VLDLR: variants seen among roughly 807,000 people sequenced by gnomAD.
VLDLR encodes very low-density lipoprotein receptor.
VLDLR carries 81 observed loss-of-function variants against 112.7 expected under a neutral mutation model. The ratio of observed to expected loss-of-function variants is 0.72; its 90% CI spans 0.60 to 0.86. The LOEUF (loss-of-function observed/expected upper bound fraction) is 0.86. Among genes scored for constraint, VLDLR ranks in the 40% least tolerant of loss-of-function variants. The pLI is 0.00. For synonymous variants in VLDLR, 436 were observed against 384.8 expected (o/e 1.13, Z -1.56); for missense variants, 1,237 against 1,099.4 (o/e 1.13, Z -1.77).
intron 1 of VLDLR, among the ~76,000 whole-genome samples, chr9:2,633,453 G>T (rs1162066415): frequency 6.6e-6 from 1 of 152,098 alleles, no homozygotes; most frequent in African/African-American, 2.4e-5. Flanking sequence ...TAAGGAGGTT[G>T]TCTTCCAGGT....
intron 2 of VLDLR, among the ~76,000 whole-genome samples, chr9:2,638,098 A>G (rs34523389): frequency 0.01 from 1,599 of 152,326 alleles, 9 homozygotes; most frequent in Non-Finnish European, 0.017. Flanking sequence ...TTCTTCCTCC[A>G]TGCTCAGGAG....
intron 1 of VLDLR, among the ~76,000 whole-genome samples, chr9:2,627,837 C>A (rs1817163051): frequency 6.7e-6 from 1 of 150,010 alleles, no homozygotes; most frequent in Non-Finnish European, 1.5e-5. Context: ...TGCACTCCAG[C>A]CTGGGCTACA....
At chr9:2,645,176 G>C in intron 9 of VLDLR, 94 bp downstream of exon 9, 2 of 1,579,200 alleles carry the variant, frequency 1.3e-6, no homozygotes, top group Non-Finnish European at 1.7e-6. Flanking sequence ...AACTAAACAT[G>C]AAATTGTACT....
Position 2,656,470 on chromosome 9 carries a change from T to C in VLDLR, c.*2602T>C, listed in dbSNP as rs1586665810. The C allele has an allele frequency of 1.3e-5, 2 of 152,162 alleles. No individual in the cohort carries two copies. The highest frequency in any genetic ancestry group is 1.9e-4 in the East Asian group (1 of 5,182). 9.4% of individuals were successfully genotyped at this position (152,162 alleles called of 1,614,324 possible). A position where few individuals can be genotyped will look rare whatever the true frequency, so the allele number is the denominator to read the frequency against. ...TAAAAATAAAAGAAAAAAATAGTTA[T>C]ATGACTAAACTACTAGTCAATACAG... is the stretch of plus-strand genomic sequence containing the variant. On this transcript the variant is annotated 3_prime_UTR_variant, in exon 19 of 19. Coordinates refer to ENST00000382100, the MANE Select transcript of VLDLR (RefSeq NM_003383.5).
chr9:2,649,788 G>A (rs898010874), intron 14 of VLDLR, among the ~76,000 whole-genome samples: 1 of 152,120 alleles, frequency 6.6e-6, no homozygotes, highest in Non-Finnish European at 1.5e-5. Context: ...ACATTCTGAG[G>A]TACTAGGACT....
At chr9:2,630,737 C>G (rs929916214) in intron 1 of VLDLR, among the ~76,000 whole-genome samples, 1 of 152,176 alleles carries the variant, frequency 6.6e-6, no homozygotes, top group Admixed American at 6.5e-5. Flanking sequence ...GCATTAAAAA[C>G]CCTGAGTTTC....
intron 12 of VLDLR, 49 bp downstream of exon 12, chr9:2,647,641 G>A: frequency 6.7e-7 from 1 of 1,488,148 alleles, no homozygotes; most frequent in Non-Finnish European, 9.4e-7. Flanking sequence ...TCTTCATAGT[G>A]TTTCCATTTA....
At chr9:2,653,706 A>G (rs1158248200) in intron 18 of VLDLR, 127 bp from the exon 19 acceptor site, 1 of 934,346 alleles carries the variant, frequency 1.1e-6, no homozygotes, top group Non-Finnish European at 1.8e-6. Flanking sequence ...TTTGTATCTG[A>G]CTGACTTTTC....
Position 2,644,153 on chromosome 9 carries a change from G to GTT in VLDLR, c.1066+215_1066+216dup, listed in dbSNP as rs59793046. ...CTAGTTTATAGTTTTTGTTTTTGTT[G>GTT]TTTTTTTTTTTTTTTTTTTTTTGAG... On this transcript the variant is annotated intron_variant, in intron 7 of 18. Transcript: ENST00000382100. Among the ~76,000 whole-genome samples the GTT allele has an allele frequency of 0.011, 1,024 of 96,282 alleles. 2 individuals are homozygous for GTT. The highest frequency in any genetic ancestry group is 0.015 in the Non-Finnish European group (764 of 49,712). 63.2% of individuals were successfully genotyped at this position (96,282 alleles called of 152,430 possible). A position where few individuals can be genotyped will look rare whatever the true frequency, so the allele number is the denominator to read the frequency against.
rs1273169422 is a variant in VLDLR at position 2,656,159 on chromosome 9, C to A, written c.*2291C>A. On this transcript the variant is annotated 3_prime_UTR_variant, in exon 19 of 19. Coordinates refer to ENST00000382100, the MANE Select transcript of VLDLR (RefSeq NM_003383.5). ...TTCATGTTCTGGGTAAAATTTCCAA[C>A]CCTCAAAGAGTCTAAAACGTCTCAT... 1 of 151,460 alleles carries A rather than the reference C, an allele frequency of 6.6e-6. No individual in the cohort carries two copies. The highest frequency in any genetic ancestry group is 1.5e-5 in the Non-Finnish European group (1 of 68,010). The allele number at this position is 151,460 out of a possible 1,614,324, so 9.4% of individuals were successfully genotyped here.
chr9:2,639,842 C>A lies in VLDLR; in HGVS notation c.203-17C>A, dbSNP rs540371859. The stretch of plus-strand genomic sequence containing the variant: ...GTAAATGACTTCAACTTTAACCCTT[C>A]AAATAAACGTTTGTAGTAAAGAAGA... On this transcript the variant is annotated splice_polypyrimidine_tract_variant and intron_variant, in intron 2 of 18. Coordinates refer to ENST00000382100, the MANE Select transcript of VLDLR (RefSeq NM_003383.5). 1.9e-6 allele frequency: 3 copies of A among 1,613,966 alleles called. No individual in the cohort carries two copies. Among genetic ancestry groups the A allele is most frequent in the African/African-American group, 1.3e-5 (1 of 74,884 alleles).
At position 2,655,743 on chromosome 9, in the gene VLDLR, AAAAGG is replaced by A. The variant is rs1248391874; in HGVS notation, c.*1876_*1880del. 1 of 152,116 alleles carries A rather than the reference AAAAGG, an allele frequency of 6.6e-6. No individual in the cohort carries two copies. The highest frequency in any genetic ancestry group is 1.5e-5 in the Non-Finnish European group (1 of 68,030). 9.4% of individuals were successfully genotyped at this position (152,116 alleles called of 1,614,324 possible). A position where few individuals can be genotyped will look rare whatever the true frequency, so the allele number is the denominator to read the frequency against. ...GTTTGGAGGTCAAGCATGTAGAAGG[AAAAGG>A]CTGTAGTCATGAATATAGAACTGTC... is the stretch of plus-strand genomic sequence containing the variant. On this transcript the variant is annotated 3_prime_UTR_variant, in exon 19 of 19. Coordinates refer to ENST00000382100, the MANE Select transcript of VLDLR (RefSeq NM_003383.5).
intron 11 of VLDLR, 39 bp from the exon 12 acceptor site, chr9:2,647,435 T>C: frequency 6.3e-7 from 1 of 1,577,338 alleles, no homozygotes; most frequent in Non-Finnish European, 8.7e-7. Flanking sequence ...TTATTCCTTC[T>C]AAACCACTGA....
chr9:2,648,543 T>C, intron 13 of VLDLR, 126 bp from the exon 14 acceptor site: 1 of 1,539,408 alleles, frequency 6.5e-7, no homozygotes, highest in South Asian at 1.1e-5. Flanking sequence ...TACAGTTTTA[T>C]ATCCAGTGTC....
intron 1 of VLDLR, among the ~76,000 whole-genome samples, chr9:2,634,839 G>C (rs1817529716): frequency 6.6e-6 from 1 of 152,034 alleles, no homozygotes; most frequent in South Asian, 2.1e-4. Flanking sequence ...CCCTATTCTT[G>C]CTGCTCCTTC....
Position 2,645,759 on chromosome 9 carries a change from C to A in VLDLR, c.1484+14C>A, listed in dbSNP as rs1225124715. 1 of 1,613,992 alleles carries A rather than the reference C, an allele frequency of 6.2e-7. No homozygotes were observed. Among genetic ancestry groups the A allele is most frequent in the South Asian group, 1.1e-5 (1 of 91,076 alleles). On this transcript the variant is annotated intron_variant, in intron 10 of 18. Coordinates refer to ENST00000382100, the MANE Select transcript of VLDLR (RefSeq NM_003383.5). ...GGCTATCTTCAGGTAACTTTCAGTT[C>A]CTTTTGTGGTGTCTTGACATAAGTC...
rs1479355924 is a variant in VLDLR, at chr9:2,653,105, A to G, written c.2586+156A>G. 1.3e-5 allele frequency among the ~76,000 whole-genome samples: 2 copies of G among 152,178 alleles called. No homozygotes were observed. Among genetic ancestry groups the G allele is most frequent in the Non-Finnish European group, 2.9e-5 (2 of 68,032 alleles). ...GACAGACAGTATAGCCTGTTAGAAC[A>G]TAAGTCACTCAGTTGATCAGCATCT... is the stretch of plus-strand genomic sequence containing the variant. On this transcript the variant is annotated intron_variant, in intron 18 of 18. Coordinates refer to ENST00000382100, the MANE Select transcript of VLDLR (RefSeq NM_003383.5).
intron 2 of VLDLR, among the ~76,000 whole-genome samples, chr9:2,637,930 G>C (rs565799265): frequency 6.6e-6 from 1 of 151,942 alleles, no homozygotes; most frequent in East Asian, 1.9e-4. Context: ...GTGACAGAGC[G>C]AGACTCCATC....
chr9:2,626,348 G>T (rs1254450499), intron 1 of VLDLR, among the ~76,000 whole-genome samples: 1 of 152,198 alleles, frequency 6.6e-6, no homozygotes, highest in African/African-American at 2.4e-5. Flanking sequence ...AACTTGTCAC[G>T]TGATGTCAGG....
Sources: gnomAD v4.1 joint callset for allele counts (sites outside exome capture counted in the v4.1 genomes callset) on GRCh38, gnomAD v4.1.1 for gene constraint, MANE v1.5 for transcripts, NCBI Gene and HGNC (gene_info 2026-07-23, HGNC 2026-07-21) for gene names.